The following TNIP3 variants were observed in gnomAD, a reference collection of about 807,000 sequenced individuals.
TNIP3 encodes TNFAIP3 interacting protein 3.
In TNIP3, 34 loss-of-function variants were observed where a neutral mutation model predicts 54.1. The ratio of observed to expected loss-of-function variants is 0.63; its 90% CI spans 0.48 to 0.84. The LOEUF is 0.84. Among genes scored for constraint, TNIP3 ranks in the 40% least tolerant of loss-of-function variants. The pLI, the probability that TNIP3 is intolerant of heterozygous loss-of-function variation, is 0.00. For missense variants in TNIP3, 366 were observed against 387.6 expected (o/e 0.94, Z 0.47); for synonymous variants, 134 against 136.8 (o/e 0.98, Z 0.14).
chr4:121,197,931 G>A (rs1033039390), intron 2 of TNIP3, among the ~76,000 whole-genome samples: 1 of 152,154 alleles, frequency 6.6e-6, no homozygotes, highest in African/African-American at 2.4e-5. Context: ...CTGTAATGAC[G>A]AATCTTGCTT....
upstream of TNIP3, chr4:121,216,646 T>C: frequency 7.0e-7 from 1 of 1,435,398 alleles, no homozygotes; most frequent in Middle Eastern, 2.1e-4. Flanking sequence ...TTTTCAGCCC[T>C]GCCAGACCTG....
chr4:121,219,747 CAA>C (rs1726954614), upstream of TNIP3, among the ~76,000 whole-genome samples: 1 of 152,100 alleles, frequency 6.6e-6, no homozygotes, highest in South Asian at 2.1e-4. Context: ...TTATGTTGCT[CAA>C]GTCTATGTTA....
At chr4:121,149,113 T>A (rs1296952078) in intron 6 of TNIP3, among the ~76,000 whole-genome samples, 5 of 152,206 alleles carry the variant, frequency 3.3e-5, no homozygotes, top group Non-Finnish European at 5.9e-5. Context: ...AGCAGATTGA[T>A]TAAATTTAGA....
At chr4:121,186,166 A>T (rs952130924) in intron 2 of TNIP3, among the ~76,000 whole-genome samples, 1 of 152,206 alleles carries the variant, frequency 6.6e-6, no homozygotes, top group African/African-American at 2.4e-5. Flanking sequence ...AACTTCAGCC[A>T]CTGCAGAAAG....
chr4:121,167,508 G>C (rs1730830726), upstream of TNIP3, among the ~76,000 whole-genome samples: 1 of 152,158 alleles, frequency 6.6e-6, no homozygotes, highest in Non-Finnish European at 1.5e-5. Context: ...GGCAAGCCTA[G>C]TTATGAAGGA....
At chr4:121,154,441 C>T (rs1729953619) in intron 5 of TNIP3, 110 bp downstream of exon 5, 1 of 1,354,772 alleles carries the variant, frequency 7.4e-7, no homozygotes, top group South Asian at 1.3e-5. Context: ...TTGTGCAAGC[C>T]TCCAAGGCTG....
chr4:121,198,956 C>T (rs981057349), intron 2 of TNIP3, among the ~76,000 whole-genome samples: 3 of 152,056 alleles, frequency 2.0e-5, no homozygotes, highest in Non-Finnish European at 2.9e-5. Flanking sequence ...AACATGTAAA[C>T]CTTTAAAAGA....
chr4:121,192,269 T>C (rs1000668189), intron 2 of TNIP3, among the ~76,000 whole-genome samples: 1 of 152,134 alleles, frequency 6.6e-6, no homozygotes, highest in Non-Finnish European at 1.5e-5. Context: ...TAAGAAATAA[T>C]GGAATAAATT....
chr4:121,145,925 C>T (rs1041349057), intron 7 of TNIP3, among the ~76,000 whole-genome samples: 4 of 150,568 alleles, frequency 2.7e-5, no homozygotes, highest in African/African-American at 9.8e-5. Flanking sequence ...TGCGGTGAGC[C>T]GAGATCATGC....
intron 2 of TNIP3, among the ~76,000 whole-genome samples, chr4:121,160,309 T>C (rs1250338228): frequency 6.6e-6 from 1 of 151,986 alleles, no homozygotes; most frequent in Admixed American, 6.6e-5. Flanking sequence ...CGAAACCCCA[T>C]CTCTACTAAA....
At chr4:121,142,893 C>T (rs1729205905) in intron 7 of TNIP3, 117 bp from the exon 8 acceptor site, 1 of 789,310 alleles carries the variant, frequency 1.3e-6, no homozygotes, top group Non-Finnish European at 2.0e-6. Flanking sequence ...ACAAAAATAG[C>T]CACAAGTTGG....
intron 2 of TNIP3, among the ~76,000 whole-genome samples, chr4:121,190,734 G>T (rs1283148392): frequency 3.9e-5 from 6 of 152,154 alleles, no homozygotes; most frequent in South Asian, 2.1e-4. Flanking sequence ...AAATAAATAT[G>T]AATAAGGGTA....
intron 2 of TNIP3, among the ~76,000 whole-genome samples, chr4:121,212,665 G>T (rs541142695): frequency 2.6e-5 from 4 of 152,238 alleles, no homozygotes; most frequent in South Asian, 2.1e-4. Context: ...AAACTATAAG[G>T]TTCTCTTCTA....
chr4:121,172,806 G>C (rs1724046633), intron 3 of TNIP3, among the ~76,000 whole-genome samples: 1 of 152,178 alleles, frequency 6.6e-6, no homozygotes, highest in Non-Finnish European at 1.5e-5. Flanking sequence ...AAACACTGAA[G>C]TGACTGAAAT....
intron 1 of TNIP3, among the ~76,000 whole-genome samples, chr4:121,224,929 G>T (rs1428388086): frequency 6.6e-6 from 1 of 152,062 alleles, no homozygotes; most frequent in African/African-American, 2.4e-5. Context: ...TGAATATAGT[G>T]TGTCAGCATA....
chr4:121,162,495 C>T (rs1376143228), intron 1 of TNIP3, among the ~76,000 whole-genome samples: 1 of 151,622 alleles, frequency 6.6e-6, no homozygotes, highest in African/African-American at 2.4e-5. Context: ...ATGTTGGGGC[C>T]CGTAATTGGA....
chr4:121,157,924 G>T (rs1187064738), intron 3 of TNIP3, among the ~76,000 whole-genome samples: 2 of 152,184 alleles, frequency 1.3e-5, no homozygotes, highest in Non-Finnish European at 2.9e-5. Flanking sequence ...TTGCAAGGCT[G>T]CCTGACCATT....
At chr4:121,145,656 T>C (rs998511682) in intron 7 of TNIP3, among the ~76,000 whole-genome samples, 7 of 149,890 alleles carry the variant, frequency 4.7e-5, no homozygotes, top group Non-Finnish European at 1.0e-4. Flanking sequence ...AAATAAATTA[T>C]TAAAAATTGT....
intron 10 of TNIP3, among the ~76,000 whole-genome samples, chr4:121,135,427 AT>A (rs1183802519): frequency 2.0e-5 from 3 of 151,282 alleles, no homozygotes; most frequent in African/African-American, 7.3e-5. Flanking sequence ...AGATAGAGTC[AT>A]TTTCTGTCAC....
Sources: allele counts gnomAD v4.1 joint callset (sites outside exome capture counted in the v4.1 genomes callset), GRCh38; gene constraint gnomAD v4.1.1; transcripts MANE v1.5; gene names NCBI Gene and HGNC (gene_info 2026-07-23, HGNC 2026-07-21).